Variants in INO80 observed in about 807,000 individuals in gnomAD.
The protein encoded by INO80 is INO80 complex ATPase subunit, also known as chromatin-remodeling ATPase INO80.
INO80 carries 20 observed loss-of-function variants against 203.4 expected under a neutral mutation model. That is an observed-to-expected ratio of 0.10 (90% CI 0.07 to 0.14). INO80 has a LOEUF of 0.14. Ranked by LOEUF, INO80 falls within the 10% of genes least tolerant of loss-of-function variation. The pLI is 1.00. For missense variants in INO80, 1,419 were observed against 1,914.4 expected (o/e 0.74, Z 4.83); for synonymous variants, 726 against 685.2 (o/e 1.06, Z -0.93).
chr15:40,982,842 G>A lies in INO80; in HGVS notation c.4453+20C>T, dbSNP rs769398960. 4.4e-6 allele frequency: 7 copies of A among 1,591,172 alleles called. No homozygotes were observed. Among genetic ancestry groups the A allele is most frequent in the Non-Finnish European group, 5.2e-6 (6 of 1,162,400 alleles). On this transcript the variant is annotated intron_variant, in intron 35 of 35. Coordinates refer to ENST00000648947, the MANE Select transcript of INO80 (RefSeq NM_017553.3). ...GTCTCTGACCAGAACAAAGTCTGCA[G>A]CCACCCTGGGCTTCTGTACCTTTAG...
intron 7 of INO80, among the ~76,000 whole-genome samples, chr15:41,083,672 C>T (rs1034063378): frequency 2.9e-5 from 4 of 140,108 alleles, no homozygotes; most frequent in African/African-American, 1.1e-4. Flanking sequence ...CAAGATCACA[C>T]ACCTGTACTC....
intron 1 of INO80, among the ~76,000 whole-genome samples, chr15:41,101,604 C>T (rs887191886): frequency 1.3e-5 from 2 of 150,358 alleles, no homozygotes; most frequent in African/African-American, 4.9e-5. Context: ...GGCTGGAGTG[C>T]AGTGGCGAGA....
chr15:41,083,615 G>C (rs2045517593), intron 7 of INO80, among the ~76,000 whole-genome samples: 1 of 148,966 alleles, frequency 6.7e-6, no homozygotes, highest in Non-Finnish European at 1.5e-5. Context: ...TTGGGAGGCA[G>C]AAGTGGGAGA....
At chr15:41,082,565 G>A (rs1038679032) in intron 7 of INO80, among the ~76,000 whole-genome samples, 1 of 152,054 alleles carries the variant, frequency 6.6e-6, no homozygotes, top group African/African-American at 2.4e-5. Context: ...GCTGAGTGTG[G>A]TGGCAGGCGC....
intron 4 of INO80, 92 bp from the exon 5 acceptor site, chr15:41,092,274 A>C: frequency 1.0e-6 from 1 of 982,254 alleles, no homozygotes; most frequent in Non-Finnish European, 1.5e-6. Context: ...AACAATGACA[A>C]AAACAGCAGA....
chr15:40,994,288 A>T (rs988202546), intron 29 of INO80, among the ~76,000 whole-genome samples: 1 of 152,176 alleles, frequency 6.6e-6, no homozygotes, highest in African/African-American at 2.4e-5. Flanking sequence ...CAATCCATAT[A>T]AAACAGCAAC....
chr15:41,029,988 G>A (rs1043591267), intron 24 of INO80, among the ~76,000 whole-genome samples: 1 of 152,172 alleles, frequency 6.6e-6, no homozygotes, highest in South Asian at 2.1e-4. Flanking sequence ...CCATTCCTGG[G>A]CAGATGGCTG....
rs764539832 is a variant in INO80 at position 41,049,309 on chromosome 15, C to T, written c.2554G>A (p.Val852Ile). The T allele has an allele frequency of 3.1e-6, 5 of 1,613,424 alleles. No homozygotes were observed. The South Asian group carries it at 4.4e-5, about 14-fold the overall frequency. ...TACCTGTCTCGTGAATGATTGAAGA[C>T]CCTGATCTGTCCATGACGGTAGATA... ...KFIYRHGQIRVFNHSRDRWLR... is the reference protein window; with the variant it reads ...KFIYRHGQIRIFNHSRDRWLR... Residue 852 changes from valine to isoleucine, a missense_variant, in exon 21 of 36, where the codon GTC (valine) becomes ATC (isoleucine). This residue lies in a region of INO80 where 302 missense variants were observed against 345.4 expected (regional missense o/e 0.87). Transcript: ENST00000648947.
chr15:41,105,824 G>C (rs564701886), intron 1 of INO80, among the ~76,000 whole-genome samples: 1 of 152,180 alleles, frequency 6.6e-6, no homozygotes, highest in Admixed American at 6.6e-5. Flanking sequence ...GTGAAATGTT[G>C]TTGTTTTTAG....
intron 24 of INO80, among the ~76,000 whole-genome samples, chr15:41,036,881 AC>A (rs1239796327): frequency 2.0e-5 from 3 of 152,200 alleles, no homozygotes; most frequent in Non-Finnish European, 4.4e-5. Flanking sequence ...CAGGCCGGTT[AC>A]TTGAGATCAG....
Position 41,016,172 on chromosome 15 carries a change from A to G in INO80, c.3318T>C (p.Leu1106=), listed in dbSNP as rs1274870576. 2 of 1,613,942 alleles carry G rather than the reference A, an allele frequency of 1.2e-6. No individual in the cohort carries two copies. Among genetic ancestry groups the G allele is most frequent in the Non-Finnish European group, 1.7e-6 (2 of 1,179,850 alleles). The change falls in exon 27 of 36, where the codon CTT becomes CTC. Residue 1106 remains leucine (L), a synonymous_variant. Coordinates refer to ENST00000648947, the MANE Select transcript of INO80 (RefSeq NM_017553.3). ...ACTTGAGCCGAGTCAGCAGGACATCAAGGGCATACAGCTTTCCACTGTCAG... is the reference window on the plus strand; with the variant it reads ...ACTTGAGCCGAGTCAGCAGGACATCGAGGGCATACAGCTTTCCACTGTCAG... The part of the protein sequence containing the change: ...LITDSGKLYA[L]DVLLTRLKSQ...
chr15:41,049,969 CTGG>C lies in INO80; in HGVS notation c.2405_2407del (p.Thr802del). On this transcript the variant is annotated inframe_deletion, in exon 20 of 36. Coordinates refer to ENST00000648947, the MANE Select transcript of INO80 (RefSeq NM_017553.3). ...CTGCATGACCAGATTCATGAGGCTG[CTGG>C]TGGTGTTCTGTGCTTGTTGGGTAGA... 6.2e-7 allele frequency: 1 copy of C among 1,613,778 alleles called. No homozygotes were observed. Among genetic ancestry groups the C allele is most frequent in the South Asian group, 1.1e-5 (1 of 91,062 alleles).
intron 34 of INO80, 140 bp from the exon 35 acceptor site, chr15:40,983,217 C>T (rs2140406882): frequency 1.6e-6 from 1 of 626,062 alleles, no homozygotes; most frequent in Middle Eastern, 4.2e-4. Flanking sequence ...TATGTCTCCA[C>T]TTAATGATGG....
intron 7 of INO80, among the ~76,000 whole-genome samples, chr15:41,083,099 G>C (rs1310843499): frequency 6.6e-6 from 1 of 151,712 alleles, no homozygotes; most frequent in Non-Finnish European, 1.5e-5. Flanking sequence ...TGGCTAATAG[G>C]GTGAAACCTT....
Position 41,079,877 on chromosome 15 carries a change from G to A in INO80, c.955C>T (p.Arg319Cys). ...KLAHQCMKEV[R>C]RAALQAQKNC... ...TTCTGGGCCTGCAAGGCAGCTCGAC[G>A]CACCTCCTTCATGCACTGGTGAGCA... The change falls in exon 9 of 36, where the codon CGT becomes TGT. Residue 319 changes from arginine to cysteine, a missense_variant. Around this residue, in one of 9 missense-constraint regions of INO80, gnomAD observed 87 missense variants for 150.5 expected, o/e 0.58. Transcript: ENST00000648947. 1 of 1,614,080 alleles carries A rather than the reference G, an allele frequency of 6.2e-7. No homozygotes were observed. Among genetic ancestry groups the A allele is most frequent in the Non-Finnish European group, 8.5e-7 (1 of 1,180,014 alleles).
chr15:41,114,180 T>C (rs1271839329), intron 1 of INO80, among the ~76,000 whole-genome samples: 2 of 150,376 alleles, frequency 1.3e-5, no homozygotes, highest in African/African-American at 2.5e-5. Context: ...GGCAGGAGAA[T>C]TGCTTGAACC....
chr15:41,035,702 G>A (rs907819991), intron 24 of INO80, among the ~76,000 whole-genome samples: 13 of 150,120 alleles, frequency 8.7e-5, no homozygotes, highest in Non-Finnish European at 1.6e-4. Context: ...GGCACCTGTA[G>A]GCCCAGCTAC....
chr15:41,058,586 TG>T, intron 16 of INO80, 52 bp downstream of exon 16: 2 of 1,414,870 alleles, frequency 1.4e-6, no homozygotes, highest in Non-Finnish European at 2.0e-6. Flanking sequence ...TGTGTGTGTG[TG>T]TGTGTGTACT....
At chr15:41,036,752 A>T (rs891154139) in intron 24 of INO80, among the ~76,000 whole-genome samples, 2 of 152,196 alleles carry the variant, frequency 1.3e-5, no homozygotes, top group African/African-American at 4.8e-5. Context: ...ACCAGACCAC[A>T]AAGGGAAGAT....
Sources: allele counts gnomAD v4.1 joint callset (sites outside exome capture counted in the v4.1 genomes callset), GRCh38; gene constraint gnomAD v4.1.1; regional missense constraint gnomAD v4.1.1; transcripts MANE v1.5; gene names NCBI Gene and HGNC (gene_info 2026-07-23, HGNC 2026-07-21).